Variants in ROBO2 observed in about 807,000 individuals in gnomAD.
The protein encoded by ROBO2 is roundabout homolog 2.
In ROBO2, 53 loss-of-function variants were observed where a neutral mutation model predicts 160.8. That is an observed-to-expected ratio of 0.33 (90% CI 0.26 to 0.41). ROBO2 has a LOEUF of 0.41. ROBO2 is among the 10% of genes least tolerant of loss of function. The pLI is 1.00. For synonymous variants in ROBO2, 664 were observed against 611.7 expected (o/e 1.09, Z -1.26); for missense variants, 1,577 against 1,722.4 (o/e 0.92, Z 1.49).
intron 23 of ROBO2, chr3:77,630,886 A>G (rs2095147393): frequency 6.6e-6 from 1 of 151,630 alleles, no homozygotes; most frequent in South Asian, 2.1e-4. Flanking sequence ...GTGAACTTTC[A>G]AATGTTTTTA....
At chr3:76,628,654 G>T (rs9811885) in intron 2 of ROBO2, among the ~76,000 whole-genome samples, 3,780 of 152,092 alleles carry the variant, frequency 0.025, 157 homozygotes, top group African/African-American at 0.087. Flanking sequence ...TGTATCTAAT[G>T]TTATCTGATA....
At chr3:76,203,741 T>C (rs1702669169) in intron 2 of ROBO2, among the ~76,000 whole-genome samples, 1 of 134,296 alleles carries the variant, frequency 7.4e-6, no homozygotes, top group Non-Finnish European at 1.6e-5. Flanking sequence ...TAATTTCTTC[T>C]CCTTTCTCAC....
intron 2 of ROBO2, among the ~76,000 whole-genome samples, chr3:76,368,323 T>G (rs2075935010): frequency 6.6e-6 from 1 of 151,996 alleles, no homozygotes; most frequent in Admixed American, 6.6e-5. Context: ...ACCCCAAAAC[T>G]TAGCAGCTTA....
At chr3:77,511,924 T>C (rs1032301225) in intron 5 of ROBO2, among the ~76,000 whole-genome samples, 6 of 151,942 alleles carry the variant, frequency 3.9e-5, no homozygotes, top group African/African-American at 1.4e-4. Context: ...TAAAAGGGTA[T>C]CCGTCTCTCA....
At chr3:76,459,747 T>C (rs1346172576) in intron 2 of ROBO2, among the ~76,000 whole-genome samples, 1 of 152,178 alleles carries the variant, frequency 6.6e-6, no homozygotes, top group East Asian at 1.9e-4. Flanking sequence ...TTGTGGTTAA[T>C]AAATAAAAGA....
chr3:77,173,434 G>A (rs554166354), intron 2 of ROBO2, among the ~76,000 whole-genome samples: 8 of 152,086 alleles, frequency 5.3e-5, no homozygotes, highest in Non-Finnish European at 8.8e-5. Context: ...ACCTTGTTAT[G>A]TTGGTGTTCT....
intron 2 of ROBO2, among the ~76,000 whole-genome samples, chr3:77,034,710 C>G (rs2063525624): frequency 6.6e-6 from 1 of 151,848 alleles, no homozygotes; most frequent in African/African-American, 2.4e-5. Context: ...TTGGCCTTTT[C>G]CTAAATCCTT....
At chr3:77,614,822 T>C (rs1461823972) in intron 21 of ROBO2, among the ~76,000 whole-genome samples, 1 of 152,184 alleles carries the variant, frequency 6.6e-6, no homozygotes, top group East Asian at 1.9e-4. Context: ...TCAAACTCCT[T>C]GTAGGGGCTG....
At chr3:76,819,799 G>A (rs2065963239) in intron 2 of ROBO2, among the ~76,000 whole-genome samples, 1 of 152,074 alleles carries the variant, frequency 6.6e-6, no homozygotes, top group Non-Finnish European at 1.5e-5. Context: ...TGGGAAAACA[G>A]AGAGTTTATA....
At chr3:75,960,115 G>C (rs908836087) in intron 2 of ROBO2, among the ~76,000 whole-genome samples, 1 of 151,664 alleles carries the variant, frequency 6.6e-6, no homozygotes, top group Admixed American at 6.6e-5. Context: ...AGGGCCAGGG[G>C]CTGGAAAATT....
intron 2 of ROBO2, among the ~76,000 whole-genome samples, chr3:76,767,056 T>A (rs2108453194): frequency 1.3e-5 from 2 of 151,528 alleles, no homozygotes; most frequent in Middle Eastern, 6.8e-3. Flanking sequence ...ATGATAAATA[T>A]AGGAAAATAG....
At chr3:77,426,632 G>A (rs2078233064) in intron 2 of ROBO2, among the ~76,000 whole-genome samples, 1 of 150,976 alleles carries the variant, frequency 6.6e-6, no homozygotes, top group African/African-American at 2.4e-5. Flanking sequence ...GTGTGTGTGT[G>A]TGCATAAAAC....
chr3:76,323,903 G>A (rs2072789325), intron 2 of ROBO2, among the ~76,000 whole-genome samples: 1 of 152,160 alleles, frequency 6.6e-6, no homozygotes, highest in African/African-American at 2.4e-5. Context: ...GCACTTAACA[G>A]TGAGCATTTT....
At chr3:77,321,636 T>C (rs2064711575) in intron 2 of ROBO2, among the ~76,000 whole-genome samples, 1 of 152,132 alleles carries the variant, frequency 6.6e-6, no homozygotes, top group African/African-American at 2.4e-5. Flanking sequence ...CACTAGAGAT[T>C]AGTTGAGTGT....
At chr3:76,062,774 A>T (rs560764613) in intron 2 of ROBO2, among the ~76,000 whole-genome samples, 1 of 152,296 alleles carries the variant, frequency 6.6e-6, no homozygotes, top group South Asian at 2.1e-4. Flanking sequence ...GACCCTAGCA[A>T]ATCATAGCTT....
intron 2 of ROBO2, among the ~76,000 whole-genome samples, chr3:76,635,623 G>T (rs2090288810): frequency 6.6e-6 from 1 of 152,102 alleles, no homozygotes; most frequent in Non-Finnish European, 1.5e-5. Context: ...TCCCCTCTAT[G>T]TCAGCATTTG....
At chr3:76,624,355 G>A (rs1053279380) in intron 2 of ROBO2, among the ~76,000 whole-genome samples, 9 of 152,054 alleles carry the variant, frequency 5.9e-5, no homozygotes, top group African/African-American at 2.2e-4. Flanking sequence ...AATCTGATTG[G>A]TAGCCTCAAG....
chr3:77,089,839 T>G (rs2069882750), intron 1 of ROBO2, among the ~76,000 whole-genome samples: 1 of 152,172 alleles, frequency 6.6e-6, no homozygotes, highest in Non-Finnish European at 1.5e-5. Context: ...AAGCTGGAAT[T>G]TAATCATCAT....
At chr3:76,918,195 T>G (rs1384147216) in intron 2 of ROBO2, among the ~76,000 whole-genome samples, 1 of 152,200 alleles carries the variant, frequency 6.6e-6, no homozygotes, top group Non-Finnish European at 1.5e-5. Flanking sequence ...GTATCAAGGG[T>G]GGGACCACGT....
Sources: gnomAD v4.1 joint callset for allele counts (sites outside exome capture counted in the v4.1 genomes callset) on GRCh38, gnomAD v4.1.1 for gene constraint, MANE v1.5 for transcripts, NCBI Gene and HGNC (gene_info 2026-07-23, HGNC 2026-07-21) for gene names.